The following MZF1 variants were observed in gnomAD, a reference collection of about 807,000 sequenced individuals.
MZF1 encodes myeloid zinc finger 1.
MZF1 carries 24 observed loss-of-function variants against 28.6 expected under a neutral mutation model. The ratio of observed to expected loss-of-function variants is 0.84; its 90% CI spans 0.61 to 1.18. The LOEUF (loss-of-function observed/expected upper bound fraction) is 1.18, where lower values mean the gene tolerates loss of function less well. Ranked by LOEUF, MZF1 falls within the 50% of genes most tolerant of loss-of-function variation. The pLI is 0.00. For missense variants in MZF1, 1,166 were observed against 1,026.4 expected, an observed-to-expected ratio of 1.14 and a Z score of -1.86; for synonymous variants, 516 against 432.5, an observed-to-expected ratio of 1.19 and a Z score of -2.40.
rs941976541 is a variant in MZF1, at chr19:58,573,271, C to A, written c.-257G>T. 3.9e-5 allele frequency: 6 copies of A among 152,646 alleles called. No homozygotes were observed. The highest frequency in any genetic ancestry group is 2.0e-4 in the Admixed American group (3 of 15,282). The allele number at this position is 152,646 out of a possible 1,614,324, so 9.5% of individuals were successfully genotyped here. A position where few individuals can be genotyped will look rare whatever the true frequency, so the allele number is the denominator to read the frequency against. On this transcript the variant is annotated 5_prime_UTR_variant, in exon 1 of 6. Transcript: ENST00000215057. Reference sequence around the variant, plus strand: ...CTCCTGGCCGCTTCTTCCCATGCTCCCCGCCTCGAATCCGTGCGTCGGCAT... The same window carrying A: ...CTCCTGGCCGCTTCTTCCCATGCTCACCGCCTCGAATCCGTGCGTCGGCAT...
Position 58,562,713 on chromosome 19 carries a change from A to G in MZF1, c.1564T>C (p.Phe522Leu), listed in dbSNP as rs368446779. 1.7e-3 allele frequency: 2,688 copies of G among 1,536,034 alleles called. 41 individuals are homozygous for G. In the South Asian group the frequency reaches 0.019, roughly 11 times the overall value. The change falls in exon 6 of 6, where the codon TTC becomes CTC. Residue 522 changes from phenylalanine to leucine, a missense_variant. Transcript: ENST00000215057. ...SFGCVECGER[F>L]GRRSVLLQHR... ...TGCAGCAGCACTGAGCGGCGGCCGA[A>G]GCGCTCGCCGCACTCGACGCAGCCA... is the stretch of plus-strand genomic sequence containing the variant.
At chr19:58,572,932 C>T (rs1215608443) in intron 1 of MZF1, 123 bp downstream of exon 1, 1 of 221,656 alleles carries the variant, frequency 4.5e-6, no homozygotes, top group African/African-American at 2.3e-5. Flanking sequence ...GGCGCTCCCG[C>T]AAGGACTGCC....
chr19:58,570,053 G>T (rs2054129092), intron 3 of MZF1: 1 of 366,056 alleles, frequency 2.7e-6, no homozygotes, highest in Admixed American at 4.3e-5. Flanking sequence ...CATCTCCTTG[G>T]GGACTGAACA....
At chr19:58,569,197 C>T (rs373298293) in intron 5 of MZF1, 80 bp downstream of exon 5, 13 of 1,478,388 alleles carry the variant, frequency 8.8e-6, no homozygotes, top group African/African-American at 2.8e-5. Flanking sequence ...GGGCTGCCTG[C>T]GTAGGGCCAG....
chr19:58,564,902 G>GTGTTTTTTTTTT (rs1568680296), intron 5 of MZF1, among the ~76,000 whole-genome samples: 1 of 41,996 alleles, frequency 2.4e-5, no homozygotes, highest in African/African-American at 7.3e-5. Flanking sequence ...CCATGTGTGT[G>GTGTTTTTTTTTT]TTTTTTTTTT....
intron 3 of MZF1, 42 bp downstream of exon 3, chr19:58,570,302 A>C: frequency 1.3e-6 from 2 of 1,546,682 alleles, no homozygotes; most frequent in Non-Finnish European, 1.7e-6. Flanking sequence ...TCCCTGGCCC[A>C]CCCAACCAGA....
chr19:58,572,681 A>G, intron 1 of MZF1: 1 of 1,219,020 alleles, frequency 8.2e-7, no homozygotes, highest in Non-Finnish European at 1.1e-6. Flanking sequence ...CCTGGGGGCC[A>G]AGCCTCCACT....
Position 58,563,533 on chromosome 19 carries a change from T to C in MZF1, c.773-29A>G, listed in dbSNP as rs185016287. The C allele has an allele frequency of 1.5e-3, 2,223 of 1,483,222 alleles. 38 individuals carry two copies. The highest frequency in any genetic ancestry group is 1.9e-4 in the Non-Finnish European group (208 of 1,105,898). The allele number at this position is 1,483,222 out of a possible 1,614,324, so 91.9% of individuals were successfully genotyped here. Reference sequence around the variant, plus strand: ...CATACACAAGGGGACCATTCATTCATGACAGAATGCCCACCGTGCCGGGAC... The same window carrying C: ...CATACACAAGGGGACCATTCATTCACGACAGAATGCCCACCGTGCCGGGAC... On this transcript the variant is annotated intron_variant, in intron 5 of 5. Transcript: ENST00000215057.
intron 5 of MZF1, among the ~76,000 whole-genome samples, chr19:58,566,184 C>T (rs193172090): frequency 5.3e-5 from 8 of 149,612 alleles, no homozygotes; most frequent in East Asian, 4.0e-4. Context: ...TGGTGGCTCA[C>T]GCCTGTGATC....
In MZF1 at chr19:58,562,782, C is replaced by T; in HGVS notation, c.1495G>A (p.Val499Met). The T allele has an allele frequency of 6.5e-7, 1 of 1,534,450 alleles. No individual in the cohort carries two copies. The highest frequency in any genetic ancestry group is 8.7e-7 in the Non-Finnish European group (1 of 1,146,340). ...TGTACCGCCTGGTGCTCCAGCAGCA[C>T]GGCGCGCCGCGCGAAGCTCTCGCGG... ...ECRESFARRA[V>M]LLEHQAVHTG... Residue 499 changes from valine (V) to methionine (M), a missense_variant, in exon 6 of 6, where the codon GTG becomes ATG. Physicochemically the swap from Val to Met is conservative, Grantham distance 21. Coordinates refer to ENST00000215057, the MANE Select transcript of MZF1 (RefSeq NM_198055.2).
intron 3 of MZF1, 146 bp from the exon 4 acceptor site, chr19:58,569,732 G>A (rs1228187693): frequency 3.1e-6 from 2 of 652,588 alleles, no homozygotes; most frequent in Admixed American, 3.1e-5. Context: ...GTAGCTGAGG[G>A]CCCAGCTCAG....
At position 58,565,871 on chromosome 19, in the gene MZF1, T is replaced by C. The variant is rs535021832; in HGVS notation, c.773-2367A>G. Reference sequence around the variant, plus strand: ...AGGAGAGGAATGGGGCTGGGCACGGTGGCTCACGCCTGTAATCCCAGCACT... The same window carrying C: ...AGGAGAGGAATGGGGCTGGGCACGGCGGCTCACGCCTGTAATCCCAGCACT... On this transcript the variant is annotated intron_variant, in intron 5 of 5. Transcript: ENST00000215057. 2.6e-4 allele frequency among the ~76,000 whole-genome samples: 36 copies of C among 139,740 alleles called. 1 individual carries two copies. The highest frequency in any genetic ancestry group is 7.2e-4 in the East Asian group (3 of 4,156). The allele number at this position is 139,740 out of a possible 152,430, so 91.7% of individuals were successfully genotyped here.
Position 58,562,781 on chromosome 19 carries a change from A to ACGGCG in MZF1, c.1491_1495dup (p.Val499AlafsTer60). 6.5e-7 allele frequency: 1 copy of ACGGCG among 1,534,536 alleles called. No individual in the cohort carries two copies. Among genetic ancestry groups the ACGGCG allele is most frequent in the Non-Finnish European group, 8.7e-7 (1 of 1,146,384 alleles). The stretch of plus-strand genomic sequence containing the variant: ...GTGTACCGCCTGGTGCTCCAGCAGC[A>ACGGCG]CGGCGCGCCGCGCGAAGCTCTCGCG... On this transcript the variant is annotated frameshift_variant, in exon 6 of 6. Coordinates refer to ENST00000215057, the MANE Select transcript of MZF1 (RefSeq NM_198055.2). LOFTEE classifies it low-confidence loss of function (END_TRUNC).
At chr19:58,569,236 C>T (rs2054111552) in intron 5 of MZF1, 41 bp downstream of exon 5, 2 of 1,540,364 alleles carry the variant, frequency 1.3e-6, no homozygotes, top group Non-Finnish European at 1.7e-6. Context: ...TGGTGCTGTC[C>T]ATGCGGAAGG....
intron 5 of MZF1, 137 bp downstream of exon 5, chr19:58,569,139 TA>T: frequency 8.3e-7 from 1 of 1,207,750 alleles, no homozygotes; most frequent in South Asian, 1.5e-5. Flanking sequence ...TTGAACCTTA[TA>T]GGGGATGATC....
intron 5 of MZF1, among the ~76,000 whole-genome samples, chr19:58,566,785 G>A (rs2054065180): frequency 6.6e-6 from 1 of 152,092 alleles, no homozygotes; most frequent in East Asian, 1.9e-4. Flanking sequence ...ACCAGCCTGG[G>A]CAAAACAGCA....
Position 58,562,959 on chromosome 19 carries a change from A to C in MZF1, c.1318T>G (p.Phe440Val). ...CTCTGGCCGCACTCAGCGCAACGGA[A>C]AGGCTGTTCGCCCGTGTGCACTCTC... ...HRRVHTGEQPFRCAECGQSFR... is the reference protein window; with the variant it reads ...HRRVHTGEQPVRCAECGQSFR... The change falls in exon 6 of 6, where the codon TTC becomes GTC. Residue 440 changes from phenylalanine (F) to valine (V), a missense_variant. Phe to Val is a conservative substitution (Grantham distance 50, BLOSUM62 -1). Coordinates refer to ENST00000215057, the MANE Select transcript of MZF1 (RefSeq NM_198055.2). 3 of 1,600,474 alleles carry C rather than the reference A, an allele frequency of 1.9e-6. No homozygotes were observed. Among genetic ancestry groups the C allele is most frequent in the Non-Finnish European group, 2.5e-6 (3 of 1,178,618 alleles).
chr19:58,572,994 T>G (rs2122745990), intron 1 of MZF1, 61 bp downstream of exon 1: 1 of 177,784 alleles, frequency 5.6e-6, no homozygotes, highest in African/African-American at 2.4e-5. Flanking sequence ...AATCCCCGAG[T>G]CTGCAGCCAC....
At chr19:58,564,789 G>A (rs1474338620) in intron 5 of MZF1, among the ~76,000 whole-genome samples, 1 of 151,990 alleles carries the variant, frequency 6.6e-6, no homozygotes, top group Non-Finnish European at 1.5e-5. Context: ...CCACAGTGGG[G>A]TTCTGTGTAG....
Sources: allele counts gnomAD v4.1 joint callset (sites outside exome capture counted in the v4.1 genomes callset), GRCh38; gene constraint gnomAD v4.1.1; transcripts MANE v1.5; gene names NCBI Gene and HGNC (gene_info 2026-07-23, HGNC 2026-07-21).